The following GRM3 variants were observed in gnomAD, a reference collection of about 807,000 sequenced individuals.
GRM3 encodes metabotropic glutamate receptor 3.
GRM3 carries 26 observed loss-of-function variants against 70.5 expected under a neutral mutation model. That is an observed-to-expected ratio of 0.37 (90% CI 0.27 to 0.51). The LOEUF is 0.51. GRM3 is among the 20% of genes least tolerant of loss of function. The pLI is 0.93. For missense variants in GRM3, 859 were observed against 1,123.8 expected (o/e 0.76, Z 3.37); for synonymous variants, 443 against 434.9 (o/e 1.02, Z -0.23).
rs77149205 is a variant in GRM3, at chr7:86,671,807, T to A, written c.-141+26935T>A. The stretch of plus-strand genomic sequence containing the variant: ...GATTCTTTACTCAATCTAAATTTTA[T>A]CCTGAATTATCTGAACCATACTTCT... On this transcript the variant is annotated intron_variant, in intron 1 of 5. Coordinates refer to ENST00000361669, the MANE Select transcript of GRM3 (RefSeq NM_000840.3). Among the ~76,000 whole-genome samples the A allele has an allele frequency of 6.8e-3, 1,040 of 152,278 alleles. 39 individuals are homozygous for A. Among genetic ancestry groups the A allele is most frequent in the East Asian group, 0.064 (330 of 5,172 alleles).
intron 1 of GRM3, among the ~76,000 whole-genome samples, chr7:86,701,655 C>G (rs1036443480): frequency 6.6e-6 from 1 of 151,884 alleles, no homozygotes; most frequent in African/African-American, 2.4e-5. Flanking sequence ...TGTAACTACT[C>G]AAACTTATTT....
rs1282828807 is a variant in GRM3 at position 86,839,662 on chromosome 7, G to A, written c.2148G>A (p.Arg716=). 1.2e-6 allele frequency: 2 copies of A among 1,613,910 alleles called. No homozygotes were observed. Among genetic ancestry groups the A allele is most frequent in the South Asian group, 1.1e-5 (1 of 91,064 alleles). The change falls in exon 4 of 6, where the codon AGG becomes AGA. Residue 716 remains arginine, a synonymous_variant. Transcript: ENST00000361669. This position sits in a 1 kb window ranked among gnomAD's most constrained non-coding sequence, Gnocchi z 4.5. The part of the protein sequence containing the change: ...WLILEAPGTR[R]YTLAEKRETV... ...TCCTGGAGGCCCCAGGCACCAGGAG[G>A]TATACCCTTGCAGAGAAGCGGGAAA...
At chr7:86,728,428 T>G (rs1795642515) in intron 1 of GRM3, among the ~76,000 whole-genome samples, 1 of 152,230 alleles carries the variant, frequency 6.6e-6, no homozygotes, top group Non-Finnish European at 1.5e-5. Context: ...ACTAGAAAGT[T>G]TTAAAAAGCT....
intron 2 of GRM3, among the ~76,000 whole-genome samples, chr7:86,779,091 T>C (rs1796972997): frequency 1.3e-5 from 2 of 152,174 alleles, no homozygotes; most frequent in African/African-American, 4.8e-5. Context: ...TCCAAATAAA[T>C]TAGTATTGAA....
chr7:86,729,169 T>C (rs1417017630), intron 1 of GRM3, among the ~76,000 whole-genome samples: 3 of 152,164 alleles, frequency 2.0e-5, no homozygotes, highest in African/African-American at 4.8e-5. Flanking sequence ...AGATGTAGTA[T>C]GGTGCAATGG....
At chr7:86,730,062 C>A (rs1795692143) in intron 1 of GRM3, among the ~76,000 whole-genome samples, 1 of 150,718 alleles carries the variant, frequency 6.6e-6, no homozygotes, top group Non-Finnish European at 1.5e-5. Flanking sequence ...AGCCGTGAGC[C>A]AAGATCACAC....
rs542380034 is a variant in GRM3 at position 86,864,410 on chromosome 7, C to G, written c.*55C>G. The G allele has an allele frequency of 2.6e-6, 3 of 1,169,924 alleles. No homozygotes were observed. The highest frequency in any genetic ancestry group is 3.9e-6 in the Non-Finnish European group (3 of 774,280). The allele number at this position is 1,169,924 out of a possible 1,614,324, so 72.5% of individuals were successfully genotyped here. ...TTAGACTGTTAGACAAAAGTGCTCA[C>G]GTGCAGCTCCAGAATATGGAAACAG... On this transcript the variant is annotated 3_prime_UTR_variant, in exon 6 of 6. Coordinates refer to ENST00000361669, the MANE Select transcript of GRM3 (RefSeq NM_000840.3).
chr7:86,721,311 A>T (rs1028311691), intron 1 of GRM3, among the ~76,000 whole-genome samples: 1 of 152,068 alleles, frequency 6.6e-6, no homozygotes, highest in African/African-American at 2.4e-5. Flanking sequence ...TTTCTTCCTC[A>T]TGGCTTCTAG....
chr7:86,677,486 T>C (rs1794334889), intron 1 of GRM3, among the ~76,000 whole-genome samples: 1 of 152,032 alleles, frequency 6.6e-6, no homozygotes, highest in Non-Finnish European at 1.5e-5. Flanking sequence ...CAAGCATATT[T>C]GGTCACCAAA....
At chr7:86,717,096 C>T (rs930495366) in intron 1 of GRM3, among the ~76,000 whole-genome samples, 2 of 151,864 alleles carry the variant, frequency 1.3e-5, no homozygotes, top group Non-Finnish European at 2.9e-5. Flanking sequence ...AAAGAATGTT[C>T]AAATATAAAA....
intron 5 of GRM3, among the ~76,000 whole-genome samples, chr7:86,852,591 TATAA>T (rs1288708326): frequency 5.3e-5 from 8 of 152,132 alleles, no homozygotes; most frequent in Non-Finnish European, 1.2e-4. Flanking sequence ...TTAATAAAAT[TATAA>T]ATAAACTTTT....
chr7:86,792,668 A>G (rs1201904243), intron 3 of GRM3, among the ~76,000 whole-genome samples: 1 of 152,234 alleles, frequency 6.6e-6, no homozygotes, highest in Non-Finnish European at 1.5e-5. Flanking sequence ...AACAGTAAAC[A>G]AGGCAGATGC....
chr7:86,759,228 A>T (rs1413583578), intron 1 of GRM3, among the ~76,000 whole-genome samples: 1 of 152,050 alleles, frequency 6.6e-6, no homozygotes, highest in African/African-American at 2.4e-5. Context: ...ATGTATTCTA[A>T]TTCTTTTTTC....
intron 1 of GRM3, among the ~76,000 whole-genome samples, chr7:86,705,225 C>A (rs1029080478): frequency 6.6e-6 from 1 of 151,830 alleles, no homozygotes; most frequent in Non-Finnish European, 1.5e-5. Flanking sequence ...TTCTGTCTTT[C>A]TTTTAAATTA....
chr7:86,652,453 C>T (rs1481567821), intron 1 of GRM3, among the ~76,000 whole-genome samples: 2 of 152,170 alleles, frequency 1.3e-5, no homozygotes, highest in Non-Finnish European at 2.9e-5. Context: ...GCCTCAGCCT[C>T]CCAAGTAGCT....
chr7:86,690,445 A>T (rs62488001), intron 1 of GRM3, among the ~76,000 whole-genome samples: 22,981 of 152,154 alleles, frequency 0.15, 2,287 homozygotes, highest in Non-Finnish European at 0.23. Flanking sequence ...GAGTGAATTT[A>T]CAAGAAATAA....
At chr7:86,859,688 G>C (rs1382623776) in intron 5 of GRM3, among the ~76,000 whole-genome samples, 3 of 152,128 alleles carry the variant, frequency 2.0e-5, no homozygotes, top group Non-Finnish European at 4.4e-5. Flanking sequence ...AAGTAACACT[G>C]ACTCTCAGCA....
At chr7:86,741,217 C>T (rs912152806) in intron 1 of GRM3, among the ~76,000 whole-genome samples, 1 of 152,122 alleles carries the variant, frequency 6.6e-6, no homozygotes, top group Non-Finnish European at 1.5e-5. Context: ...GAAGAAGAGA[C>T]CTGGAGCCAG....
chr7:86,798,734 G>A lies in GRM3; in HGVS notation c.1324+11618G>A, dbSNP rs576210592. On this transcript the variant is annotated intron_variant, in intron 3 of 5. Coordinates refer to ENST00000361669, the MANE Select transcript of GRM3 (RefSeq NM_000840.3). ...CCATGAGATTTGGGAGGGGCCAGGA[G>A]TGGATTGATATGGTTTGGCTGTGTT... Among the ~76,000 whole-genome samples, 28 of 152,322 alleles carry A rather than the reference G, an allele frequency of 1.8e-4. 1 individual carries two copies. The highest frequency in any genetic ancestry group is 1.5e-3 in the Admixed American group (23 of 15,308).
Sources: gnomAD v4.1 joint callset for allele counts (sites outside exome capture counted in the v4.1 genomes callset) on GRCh38, gnomAD v4.1.1 for gene constraint, Gnocchi (gnomAD v3.1) non-coding constraint, MANE v1.5 for transcripts, NCBI Gene and HGNC (gene_info 2026-07-23, HGNC 2026-07-21) for gene names.